Variants in SLC30A6 observed in about 807,000 individuals in gnomAD.
SLC30A6 encodes solute carrier family 30 member 6.
In SLC30A6, 55 loss-of-function variants were observed where a neutral mutation model predicts 63.0. The ratio of observed to expected loss-of-function variants is 0.87; its 90% CI spans 0.70 to 1.09. The LOEUF (loss-of-function observed/expected upper bound fraction) is 1.09. Among genes scored for constraint, SLC30A6 ranks in the 50% least tolerant of loss-of-function variants. The probability of loss-of-function intolerance (pLI) is 0.00; values close to 1 mark genes in which losing one functional copy is unlikely to be tolerated. For missense variants in SLC30A6, 587 were observed against 549.2 expected, an observed-to-expected ratio of 1.07 and a Z score of -0.69; for synonymous variants, 224 against 186.1, an observed-to-expected ratio of 1.20 and a Z score of -1.66.
chr2:32,192,343 A>T lies in SLC30A6; in HGVS notation c.292A>T (p.Arg98Ter). Residue 98 changes from arginine (R) to a stop codon, truncating the protein, a stop_gained, in exon 6 of 14, where the codon AGA (arginine) becomes TGA (stop). Transcript: ENST00000282587. LOFTEE classifies it high-confidence loss of function. ...TTAATGTTTTGGTTTCAGGTTTGAAAGATTAGAAGTCCTGGCTGTATTTGC... is the reference window on the plus strand; with the variant it reads ...TTAATGTTTTGGTTTCAGGTTTGAATGATTAGAAGTCCTGGCTGTATTTGC... ...PSPVYSFGFE[R>*]LEVLAVFAST... is the part of the protein sequence containing the mutation. The T allele has an allele frequency of 1.2e-6, 2 of 1,614,016 alleles. No homozygotes were observed. Among genetic ancestry groups the T allele is most frequent in the Non-Finnish European group, 1.7e-6 (2 of 1,179,922 alleles).
intron 1 of SLC30A6, among the ~76,000 whole-genome samples, chr2:32,169,419 C>G (rs1006277257): frequency 6.6e-6 from 1 of 152,106 alleles, no homozygotes; most frequent in African/African-American, 2.4e-5. Context: ...TCAACTGATC[C>G]TCCTGACTCA....
chr2:32,172,402 T>A (rs563317752), intron 2 of SLC30A6, among the ~76,000 whole-genome samples: 1 of 151,952 alleles, frequency 6.6e-6, no homozygotes, highest in Non-Finnish European at 1.5e-5. Context: ...TTTTTTGAGA[T>A]GGAATCTTGC....
intron 13 of SLC30A6, among the ~76,000 whole-genome samples, chr2:32,218,055 G>T (rs1445931063): frequency 1.3e-5 from 2 of 152,038 alleles, no homozygotes; most frequent in Non-Finnish European, 2.9e-5. Flanking sequence ...ATGTTGCTCA[G>T]GCTGGGGGAG....
At chr2:32,174,548 A>ATTTTTTTTT (rs11432136) in intron 3 of SLC30A6, among the ~76,000 whole-genome samples, 16 of 92,302 alleles carry the variant, frequency 1.7e-4, no homozygotes, top group Non-Finnish European at 2.1e-4. Flanking sequence ...CTATCTGGAG[A>ATTTTTTTTT]TTTTTTTTTT....
At chr2:32,201,525 T>C (rs1573370527) in intron 10 of SLC30A6, 1 of 694,652 alleles carries the variant, frequency 1.4e-6, no homozygotes. Context: ...GCCCTGCCCC[T>C]GTTTCCTTTC....
Position 32,192,956 on chromosome 2 carries a change from G to T in SLC30A6, c.401+3G>T. On this transcript the variant is annotated splice_donor_region_variant and intron_variant, in intron 7 of 13. Coordinates refer to ENST00000282587, the MANE Select transcript of SLC30A6 (RefSeq NM_017964.5). ...TTGGAACAGCCCGAGATACACACGT[G>T]AGATTTTATTTTCAATATATAATTT... The T allele has an allele frequency of 6.6e-7, 1 of 1,507,178 alleles. No homozygotes were observed. Among genetic ancestry groups the T allele is most frequent in the Non-Finnish European group, 9.0e-7 (1 of 1,109,842 alleles). 93.4% of individuals were successfully genotyped at this position (1,507,178 alleles called of 1,614,324 possible). A position where few individuals can be genotyped will look rare whatever the true frequency, so the allele number is the denominator to read the frequency against.
chr2:32,193,118 C>A (rs986029637), intron 7 of SLC30A6, among the ~76,000 whole-genome samples, 165 bp downstream of exon 7: 5 of 152,144 alleles, frequency 3.3e-5, no homozygotes, highest in Non-Finnish European at 2.9e-5. Flanking sequence ...TTTCTTTACT[C>A]TTAACAGTTC....
At position 32,193,224 on chromosome 2, in the gene SLC30A6, T is replaced by C. The variant is rs75689031; in HGVS notation, c.401+271T>C. Among the ~76,000 whole-genome samples the C allele has an allele frequency of 1.8e-3, 278 of 152,270 alleles. 8 individuals carry two copies. The East Asian group carries it at 0.051, about 28-fold the overall frequency. The stretch of plus-strand genomic sequence containing the variant: ...CAGGCCTAGGAAACACTAACCCAGC[T>C]TCCCCTAGTCTTCTGTAATTTCAAA... On this transcript the variant is annotated intron_variant, in intron 7 of 13. Coordinates refer to ENST00000282587, the MANE Select transcript of SLC30A6 (RefSeq NM_017964.5).
chr2:32,167,663 AAC>A (rs113548357), intron 1 of SLC30A6, among the ~76,000 whole-genome samples: 24 of 150,546 alleles, frequency 1.6e-4, no homozygotes, highest in South Asian at 6.3e-4. Context: ...TATATGCACA[AAC>A]ACACACACAC....
At chr2:32,173,212 T>C (rs1173916614) in intron 2 of SLC30A6, among the ~76,000 whole-genome samples, 1 of 152,204 alleles carries the variant, frequency 6.6e-6, no homozygotes, top group Admixed American at 6.5e-5. Context: ...GTTCACCTTC[T>C]CTTCTCCTCA....
Position 32,209,522 on chromosome 2 carries a change from C to T in SLC30A6, c.846C>T (p.Val282=). The T allele has an allele frequency of 6.2e-7, 1 of 1,612,892 alleles. No homozygotes were observed. The highest frequency in any genetic ancestry group is 8.5e-7 in the Non-Finnish European group (1 of 1,179,670). Residue 282 remains valine, a synonymous_variant, in exon 13 of 14, where the codon GTC becomes GTT. Transcript: ENST00000282587. ...CTACCTTAGATGGAGTTTTAGAAGT[C>T]CGAAATGAACATTTTTGGACCCTAG... ...EVSTLDGVLE[V]RNEHFWTLGF...
At chr2:32,200,339 C>G (rs1238078126) in intron 10 of SLC30A6, among the ~76,000 whole-genome samples, 1 of 152,020 alleles carries the variant, frequency 6.6e-6, no homozygotes, top group African/African-American at 2.4e-5. Context: ...TTTCAAAACC[C>G]TCCCCTTGAG....
Position 32,165,918 on chromosome 2 carries a change from G to C in SLC30A6, c.3+15G>C, listed in dbSNP as rs1332525579. On this transcript the variant is annotated intron_variant, in intron 1 of 13. Transcript: ENST00000282587. ...TCCTTATCATGGTGAGTTGGCTGTT[G>C]GGGTGAGGGTTTCGGCTGTAGCTGA... The C allele has an allele frequency of 6.2e-7, 1 of 1,614,164 alleles. No homozygotes were observed.
chr2:32,181,933 C>CTTTTTTTTTTTTT (rs34589397), intron 4 of SLC30A6, among the ~76,000 whole-genome samples: 2 of 122,932 alleles, frequency 1.6e-5, no homozygotes, highest in Non-Finnish European at 3.4e-5. Flanking sequence ...TTTTTCTTTT[C>CTTTTTTTTTTTTT]TTTTTTTTTT....
intron 9 of SLC30A6, 93 bp from the exon 10 acceptor site, chr2:32,197,614 G>A: frequency 6.4e-7 from 1 of 1,552,536 alleles, no homozygotes; most frequent in South Asian, 1.2e-5. Context: ...AGTACACTAT[G>A]TGGTACCAAA....
At chr2:32,202,757 T>C (rs1018045591) in intron 10 of SLC30A6, 14 of 707,156 alleles carry the variant, frequency 2.0e-5, no homozygotes, top group African/African-American at 5.3e-5. Flanking sequence ...CTGAAGACAG[T>C]CCTCAGACTT....
intron 5 of SLC30A6, among the ~76,000 whole-genome samples, chr2:32,191,290 T>C (rs1036852412): frequency 1.1e-4 from 16 of 152,358 alleles, no homozygotes; most frequent in African/African-American, 3.6e-4. Context: ...CCTACTTTTT[T>C]CACTCACCTT....
At chr2:32,194,511 G>A (rs1345270387) in intron 8 of SLC30A6, among the ~76,000 whole-genome samples, 2 of 152,126 alleles carry the variant, frequency 1.3e-5, no homozygotes, top group African/African-American at 2.4e-5. Flanking sequence ...CACTTTTGCA[G>A]TCTAAATTAT....
intron 4 of SLC30A6, among the ~76,000 whole-genome samples, chr2:32,183,622 A>T (rs1039505241): frequency 6.9e-6 from 1 of 145,838 alleles, no homozygotes; most frequent in African/African-American, 2.5e-5. Flanking sequence ...TGGAAGGAAG[A>T]GGTTTCAGTG....
Sources: allele counts gnomAD v4.1 joint callset (sites outside exome capture counted in the v4.1 genomes callset), GRCh38; gene constraint gnomAD v4.1.1; transcripts MANE v1.5; gene names NCBI Gene and HGNC (gene_info 2026-07-23, HGNC 2026-07-21).